The following GPHA2 variants were observed in gnomAD, a reference collection of about 807,000 sequenced individuals.
GPHA2 encodes glycoprotein hormone subunit alpha 2.
In GPHA2, 12 loss-of-function variants were observed where a neutral mutation model predicts 15.3. The observed-to-expected ratio is 0.78, with a 90% confidence interval of 0.50 to 1.27. GPHA2 has a LOEUF of 1.27. Ranked by LOEUF, GPHA2 falls within the 50% of genes most tolerant of loss-of-function variation. The probability of loss-of-function intolerance (pLI) is 0.00; values close to 1 mark genes in which losing one functional copy is unlikely to be tolerated. For synonymous variants in GPHA2, 61 were observed against 66.8 expected (o/e 0.91, Z 0.42); for missense variants, 156 against 169.5 (o/e 0.92, Z 0.44).
In GPHA2 at chr11:64,934,725, G is replaced by C; in HGVS notation, c.*48C>G. 1 of 1,460,778 alleles carries C rather than the reference G, an allele frequency of 6.8e-7. No individual in the cohort carries two copies. The highest frequency in any genetic ancestry group is 9.6e-7 in the Non-Finnish European group (1 of 1,039,928). 90.5% of individuals were successfully genotyped at this position (1,460,778 alleles called of 1,614,324 possible). A position where few individuals can be genotyped will look rare whatever the true frequency, so the allele number is the denominator to read the frequency against. On this transcript the variant is annotated 3_prime_UTR_variant, in exon 4 of 4. Coordinates refer to ENST00000279168, the MANE Select transcript of GPHA2 (RefSeq NM_130769.4). ...TCTTGAACACAGGTTTCCCCCACCA[G>C]AACGTCAAGCCCTGTGACCCAGGGG...
rs1205691694 is a variant in GPHA2 at position 64,934,752 on chromosome 11, G to A, written c.*21C>T. ...ACGTCAAGCCCTGTGACCCAGGGGAGGAAGGAGGGGAGAGGATGGGCTAGT... is the reference window on the plus strand; with the variant it reads ...ACGTCAAGCCCTGTGACCCAGGGGAAGAAGGAGGGGAGAGGATGGGCTAGT... On this transcript the variant is annotated 3_prime_UTR_variant, in exon 4 of 4. Transcript: ENST00000279168. 6.3e-7 allele frequency: 1 copy of A among 1,594,644 alleles called. No individual in the cohort carries two copies. The highest frequency in any genetic ancestry group is 8.6e-7 in the Non-Finnish European group (1 of 1,162,210).
Position 64,934,717 on chromosome 11 carries a change from C to T in GPHA2, c.*56G>A, listed in dbSNP as rs995007413. The T allele has an allele frequency of 1.9e-5, 27 of 1,396,314 alleles. No homozygotes were observed. In the Admixed American group the frequency reaches 4.5e-4, roughly 23 times the overall value. The allele number at this position is 1,396,314 out of a possible 1,614,324, so 86.5% of individuals were successfully genotyped here. On this transcript the variant is annotated 3_prime_UTR_variant, in exon 4 of 4. Coordinates refer to ENST00000279168, the MANE Select transcript of GPHA2 (RefSeq NM_130769.4). ...TTTTTGAATCTTGAACACAGGTTTCCCCCACCAGAACGTCAAGCCCTGTGA... is the reference window on the plus strand; with the variant it reads ...TTTTTGAATCTTGAACACAGGTTTCTCCCACCAGAACGTCAAGCCCTGTGA...
Position 64,935,100 on chromosome 11 carries a change from TG to T in GPHA2, c.178del (p.His60ThrfsTer35), listed in dbSNP as rs1341630026. 2 of 1,613,844 alleles carry T rather than the reference TG, an allele frequency of 1.2e-6. No individual in the cohort carries two copies. The highest frequency in any genetic ancestry group is 2.2e-5 in the East Asian group (1 of 44,856). Reference sequence around the variant, plus strand: ...AGAAGGGAAGGCGCTGGACTCACAGTGGCCCACACAGGCCTGTGCCACGTGG... The same window carrying T: ...AGAAGGGAAGGCGCTGGACTCACAGTGCCCACACAGGCCTGTGCCACGTGG... The part of the protein sequence containing the change: ...GSHVAQACVG[H>X]CESSAFPSRY... On this transcript the variant is annotated frameshift_variant, in exon 3 of 4. Coordinates refer to ENST00000279168, the MANE Select transcript of GPHA2 (RefSeq NM_130769.4). LOFTEE classifies it high-confidence loss of function.
Position 64,934,690 on chromosome 11 carries a change from A to G in GPHA2, c.*83T>C. 8.9e-7 allele frequency: 1 copy of G among 1,124,610 alleles called. No homozygotes were observed. 69.7% of individuals were successfully genotyped at this position (1,124,610 alleles called of 1,614,324 possible). On this transcript the variant is annotated 3_prime_UTR_variant, in exon 4 of 4. Transcript: ENST00000279168. ...AACCATCAGGGCTGGAGCTCCTTCC[A>G]GTTTTTGAATCTTGAACACAGGTTT... is the stretch of plus-strand genomic sequence containing the variant.
intron 1 of GPHA2, 145 bp from the exon 2 acceptor site, chr11:64,935,605 C>G (rs1945285344): frequency 3.3e-6 from 2 of 603,642 alleles, no homozygotes; most frequent in Non-Finnish European, 5.9e-6. Flanking sequence ...TTCCCTGTAT[C>G]TGCCTTTGTG....
In GPHA2 at chr11:64,935,142, C is replaced by T. The variant is rs201662958; in HGVS notation, c.137G>A (p.Gly46Asp). The stretch of plus-strand genomic sequence containing the variant: ...TGCCACGTGGGAGCCCTGGCAGGTG[C>T]CTTGGCGGTCACTTCGCACTGTCAC... ...FNVTVRSDRQ[G>D]TCQGSHVAQA... Residue 46 changes from glycine to aspartate, a missense_variant, in exon 3 of 4, where the codon GGC becomes GAC. By Grantham distance (94) the Gly-to-Asp change is moderately conservative (BLOSUM62 -1). Coordinates refer to ENST00000279168, the MANE Select transcript of GPHA2 (RefSeq NM_130769.4). The T allele has an allele frequency of 1.2e-6, 2 of 1,613,874 alleles. No individual in the cohort carries two copies. The highest frequency in any genetic ancestry group is 2.7e-5 in the African/African-American group (2 of 75,010).
chr11:64,935,112 G>T lies in GPHA2; in HGVS notation c.167C>A (p.Ala56Asp). The change falls in exon 3 of 4, where the codon GCC (alanine) becomes GAC (aspartate). Residue 56 changes from alanine to aspartate, a missense_variant. By Grantham distance (126) the Ala-to-Asp change is moderately radical. Transcript: ENST00000279168. ...GCTGGACTCACAGTGGCCCACACAG[G>T]CCTGTGCCACGTGGGAGCCCTGGCA... ...GTCQGSHVAQACVGHCESSAF... is the reference protein window; with the variant it reads ...GTCQGSHVAQDCVGHCESSAF... The T allele has an allele frequency of 6.2e-7, 1 of 1,614,046 alleles. No homozygotes were observed. Among genetic ancestry groups the T allele is most frequent in the Non-Finnish European group, 8.5e-7 (1 of 1,179,994 alleles).
At chr11:64,936,606 T>G (rs141750598), upstream of GPHA2, among the ~76,000 whole-genome samples, 16 of 152,192 alleles carry the variant, frequency 1.1e-4, no homozygotes, top group East Asian at 3.1e-3. Flanking sequence ...TTAAAACCAC[T>G]AAACTCAGTC....
chr11:64,935,073 C>A lies in GPHA2; in HGVS notation c.206G>T (p.Arg69Leu). Reference protein sequence around the residue: ...GHCESSAFPSRYSVLVASGYR... With the variant: ...GHCESSAFPSLYSVLVASGYR... ...ACCACTGGCCACCAGCACAGAGTAC[C>A]GAGAAGGGAAGGCGCTGGACTCACA... Residue 69 changes from arginine to leucine, a missense_variant, in exon 3 of 4, where the codon CGG becomes CTG. Transcript: ENST00000279168. 6.2e-7 allele frequency: 1 copy of A among 1,614,110 alleles called. No homozygotes were observed. Among genetic ancestry groups the A allele is most frequent in the Non-Finnish European group, 8.5e-7 (1 of 1,180,024 alleles).
intron 1 of GPHA2, 170 bp from the exon 2 acceptor site, chr11:64,935,630 T>TAA (rs891134853): frequency 3.6e-6 from 2 of 557,602 alleles, no homozygotes; most frequent in African/African-American, 3.8e-5. Context: ...TGTGTGTGTG[T>TAA]GTATGGGTGT....
At position 64,934,530 on chromosome 11, in the gene GPHA2, G is replaced by C; in HGVS notation, c.*243C>G. ...CAAAGAGGGAAGTAAAATGATGAAAGATTGGTTTAGAAGGGCCAGGCAGAG... is the reference window on the plus strand; with the variant it reads ...CAAAGAGGGAAGTAAAATGATGAAACATTGGTTTAGAAGGGCCAGGCAGAG... On this transcript the variant is annotated 3_prime_UTR_variant, in exon 4 of 4. Coordinates refer to ENST00000279168, the MANE Select transcript of GPHA2 (RefSeq NM_130769.4). 1.7e-6 allele frequency: 1 copy of C among 585,876 alleles called. No individual in the cohort carries two copies. The highest frequency in any genetic ancestry group is 3.0e-6 in the Non-Finnish European group (1 of 328,494). 36.3% of individuals were successfully genotyped at this position (585,876 alleles called of 1,614,324 possible). A position where few individuals can be genotyped will look rare whatever the true frequency, so the allele number is the denominator to read the frequency against.
At position 64,935,474 on chromosome 11, in the gene GPHA2, G is replaced by C; in HGVS notation, c.1-14C>G. The C allele has an allele frequency of 6.4e-7, 1 of 1,554,844 alleles. No homozygotes were observed. Among genetic ancestry groups the C allele is most frequent in the South Asian group, 1.2e-5 (1 of 86,456 alleles). On this transcript the variant is annotated splice_polypyrimidine_tract_variant and intron_variant, in intron 1 of 3. Transcript: ENST00000279168. ...CGCCATAGGCATCTGAAACACAGTGGGGAGATGTCTCTACGTGGGTGTGCA... is the reference window on the plus strand; with the variant it reads ...CGCCATAGGCATCTGAAACACAGTGCGGAGATGTCTCTACGTGGGTGTGCA...
At chr11:64,935,275 T>C in intron 2 of GPHA2, 83 bp downstream of exon 2, 8 of 1,431,034 alleles carry the variant, frequency 5.6e-6, no homozygotes, top group Non-Finnish European at 7.6e-6. Context: ...TTTAGGGTGC[T>C]GCCTGCCCCA....
upstream of GPHA2, among the ~76,000 whole-genome samples, chr11:64,936,310 C>A (rs1390539588): frequency 6.6e-6 from 1 of 152,094 alleles, no homozygotes; most frequent in Non-Finnish European, 1.5e-5. Flanking sequence ...GAGGGTCTGG[C>A]TCTGTCACCT....
upstream of GPHA2, chr11:64,937,455 C>T (rs1368198541): frequency 6.6e-6 from 1 of 152,148 alleles, no homozygotes; most frequent in Non-Finnish European, 1.5e-5. Context: ...TGTCACTAAT[C>T]CTTAAATTCC....
At chr11:64,934,902 G>A (rs754722518) in intron 3 of GPHA2, 28 bp from the exon 4 acceptor site, 1 of 1,610,098 alleles carries the variant, frequency 6.2e-7, no homozygotes, top group East Asian at 2.2e-5. Flanking sequence ...CCGTGCTGCA[G>A]TCCCCTTTCT....
In GPHA2 at chr11:64,935,009, G is replaced by A; in HGVS notation, c.270C>T (p.Thr90=). 1 of 1,614,018 alleles carries A rather than the reference G, an allele frequency of 6.2e-7. No individual in the cohort carries two copies. Among genetic ancestry groups the A allele is most frequent in the South Asian group, 1.1e-5 (1 of 91,064 alleles). The change falls in exon 3 of 4, where the codon ACC becomes ACT. Residue 90 remains threonine (T), a synonymous_variant. Transcript: ENST00000279168. The part of the protein sequence containing the change: ...HNITSVSQCC[T]ISGLKKVKVQ... ...TCCTCACCTTCTTCAGGCCACTGAT[G>A]GTGCAGCACTGAGAGACGGAGGTGA...
intron 2 of GPHA2, 78 bp downstream of exon 2, chr11:64,935,280 G>A: frequency 7.1e-7 from 1 of 1,401,796 alleles, no homozygotes; most frequent in Non-Finnish European, 9.7e-7. Flanking sequence ...GGTGCTGCCT[G>A]CCCCACCGTC....
upstream of GPHA2, chr11:64,937,507 C>G (rs1201571350): frequency 6.6e-6 from 1 of 152,268 alleles, no homozygotes; most frequent in Non-Finnish European, 1.5e-5. Context: ...CCCCTCAAGA[C>G]CTGGGTCCTT....
Sources: gnomAD v4.1 joint callset for allele counts (sites outside exome capture counted in the v4.1 genomes callset) on GRCh38, gnomAD v4.1.1 for gene constraint, MANE v1.5 for transcripts, NCBI Gene and HGNC (gene_info 2026-07-23, HGNC 2026-07-21) for gene names.